CACNB2: variants seen among roughly 807,000 people sequenced by gnomAD.
CACNB2 encodes calcium voltage-gated channel auxiliary subunit beta 2, also known as voltage-dependent L-type calcium channel subunit beta-2.
In CACNB2, 42 loss-of-function variants were observed where a neutral mutation model predicts 73.3. That is an observed-to-expected ratio of 0.57 (90% confidence interval 0.45 to 0.74). The LOEUF (loss-of-function observed/expected upper bound fraction) is 0.74, where lower values mean the gene tolerates loss of function less well. CACNB2 is among the 30% of genes least tolerant of loss of function. CACNB2 has a pLI of 0.00. For synonymous variants in CACNB2, 348 were observed against 310.3 expected (o/e 1.12, Z -1.28); for missense variants, 940 against 853.0 (o/e 1.10, Z -1.27).
At chr10:18,444,653 G>A (rs775044585) in intron 3 of CACNB2, among the ~76,000 whole-genome samples, 94 of 152,274 alleles carry the variant, frequency 6.2e-4, no homozygotes, top group Admixed American at 2.5e-3. Flanking sequence ...TTTAGTACCC[G>A]AGTGAGTTCA....
intron 2 of CACNB2, among the ~76,000 whole-genome samples, chr10:18,220,888 A>G (rs1446117161): frequency 6.6e-6 from 1 of 152,172 alleles, no homozygotes; most frequent in African/African-American, 2.4e-5. Context: ...TGGGAAACTT[A>G]TCTTCCATGA....
At chr10:18,511,227 C>T (rs2050761614) in intron 6 of CACNB2, among the ~76,000 whole-genome samples, 1 of 151,760 alleles carries the variant, frequency 6.6e-6, no homozygotes. Context: ...CCATTATTAC[C>T]TTTTTTTTGA....
chr10:18,416,068 C>T (rs1488948609), intron 3 of CACNB2, among the ~76,000 whole-genome samples: 1 of 152,130 alleles, frequency 6.6e-6, no homozygotes, highest in Admixed American at 6.5e-5. Context: ...AGTCATCCTA[C>T]TCTGCTGTCA....
At chr10:18,389,256 C>T (rs2043362653) in intron 2 of CACNB2, among the ~76,000 whole-genome samples, 1 of 152,174 alleles carries the variant, frequency 6.6e-6, no homozygotes, top group Non-Finnish European at 1.5e-5. Flanking sequence ...CCTGCCTCAG[C>T]TTCCCAAGTA....
chr10:18,269,926 A>T (rs1284684558), intron 2 of CACNB2, among the ~76,000 whole-genome samples: 1 of 152,140 alleles, frequency 6.6e-6, no homozygotes, highest in Non-Finnish European at 1.5e-5. Flanking sequence ...TACTTCCTTG[A>T]GAGCTCTGGA....
chr10:18,250,546 T>G (rs975220467), intron 2 of CACNB2, among the ~76,000 whole-genome samples: 5 of 152,158 alleles, frequency 3.3e-5, no homozygotes, highest in African/African-American at 1.2e-4. Flanking sequence ...TTTTTTTTTT[T>G]TGAAAGTTGT....
intron 3 of CACNB2, among the ~76,000 whole-genome samples, chr10:18,426,226 T>C (rs753845355): frequency 4.6e-5 from 7 of 152,242 alleles, no homozygotes; most frequent in Admixed American, 6.5e-5. Context: ...TGTTATAATA[T>C]TGAGTCATCT....
chr10:18,406,294 C>T (rs922410193), intron 3 of CACNB2, among the ~76,000 whole-genome samples: 17 of 152,124 alleles, frequency 1.1e-4, no homozygotes, highest in Admixed American at 6.5e-5. Flanking sequence ...AAGAGAAAAT[C>T]CTTCTTGGAG....
intron 2 of CACNB2, among the ~76,000 whole-genome samples, chr10:18,162,100 G>A (rs1224899854): frequency 4.6e-5 from 7 of 151,926 alleles, no homozygotes; most frequent in African/African-American, 1.7e-4. Flanking sequence ...TAAAAACAAG[G>A]CTATATTTTA....
intron 2 of CACNB2, among the ~76,000 whole-genome samples, chr10:18,284,439 C>T (rs1386637910): frequency 6.6e-6 from 1 of 152,162 alleles, no homozygotes; most frequent in East Asian, 1.9e-4. Flanking sequence ...AATTTTTATT[C>T]CACTGAAAGG....
chr10:18,327,574 G>A (rs1400867942), intron 2 of CACNB2, among the ~76,000 whole-genome samples: 1 of 152,116 alleles, frequency 6.6e-6, no homozygotes, highest in African/African-American at 2.4e-5. Flanking sequence ...ACAGGCGCAT[G>A]CTACCGTGCC....
At chr10:18,371,404 G>A (rs7091833) in intron 2 of CACNB2, among the ~76,000 whole-genome samples, 79,716 of 151,496 alleles carry the variant, frequency 0.53, 21,569 homozygotes, top group East Asian at 0.91. Context: ...TCCCCTTCCT[G>A]TGTCCATGTG....
rs561978103 is a variant in CACNB2, at chr10:18,314,100, C to G, written c.214-87824C>G. Among the ~76,000 whole-genome samples, 4 of 126,310 alleles carry G rather than the reference C, an allele frequency of 3.2e-5. No homozygotes were observed. The South Asian group carries it at 9.6e-4, about 30-fold the overall frequency. The allele number at this position is 126,310 out of a possible 152,430, so 82.9% of individuals were successfully genotyped here. A position where few individuals can be genotyped will look rare whatever the true frequency, so the allele number is the denominator to read the frequency against. On this transcript the variant is annotated intron_variant, in intron 2 of 13. Transcript: ENST00000324631. ...AATGAATATTGATTGTTGAGTGAAT[C>G]AATGATTGGACACACGTATACATGG...
chr10:18,397,251 G>C (rs539112936), intron 2 of CACNB2, among the ~76,000 whole-genome samples: 2 of 152,234 alleles, frequency 1.3e-5, no homozygotes, highest in South Asian at 4.1e-4. Flanking sequence ...CAGATCACCT[G>C]AGGTCAGGAG....
At chr10:18,440,731 G>C (rs1473668331) in intron 3 of CACNB2, among the ~76,000 whole-genome samples, 2 of 152,150 alleles carry the variant, frequency 1.3e-5, no homozygotes, top group Admixed American at 6.5e-5. Flanking sequence ...TTTGAGGATA[G>C]ATTATTTCAG....
At chr10:18,446,449 T>G (rs1236658778) in intron 3 of CACNB2, among the ~76,000 whole-genome samples, 2 of 152,098 alleles carry the variant, frequency 1.3e-5, no homozygotes, top group Non-Finnish European at 1.5e-5. Flanking sequence ...AGCAGGGGCC[T>G]GACATGTTAA....
At chr10:18,262,882 TAGAA>T (rs2037619699) in intron 2 of CACNB2, among the ~76,000 whole-genome samples, 1 of 152,158 alleles carries the variant, frequency 6.6e-6, no homozygotes, top group Non-Finnish European at 1.5e-5. Context: ...TGTAAATAAA[TAGAA>T]AGAAGAGACA....
At chr10:18,153,742 C>T (rs912812302) in intron 2 of CACNB2, among the ~76,000 whole-genome samples, 6 of 149,318 alleles carry the variant, frequency 4.0e-5, no homozygotes, top group Admixed American at 2.7e-4. Flanking sequence ...CTACTATGCC[C>T]AGCTGATTTT....
chr10:18,293,172 A>C (rs1259556594), intron 2 of CACNB2, among the ~76,000 whole-genome samples: 1 of 152,240 alleles, frequency 6.6e-6, no homozygotes, highest in African/African-American at 2.4e-5. Flanking sequence ...CACAACTCTC[A>C]AAATTATTTC....
Sources: allele counts gnomAD v4.1 joint callset (sites outside exome capture counted in the v4.1 genomes callset), GRCh38; gene constraint gnomAD v4.1.1; transcripts MANE v1.5; gene names NCBI Gene and HGNC (gene_info 2026-07-23, HGNC 2026-07-21).